ICA1: variants seen among roughly 807,000 people sequenced by gnomAD.
ICA1 encodes islet cell autoantigen 1.
Under a neutral mutation model 71.0 loss-of-function variants are expected in ICA1, and 40 were observed. That is an observed-to-expected ratio of 0.56 (90% CI 0.44 to 0.73). The LOEUF (loss-of-function observed/expected upper bound fraction) is 0.73. Ranked by LOEUF, ICA1 falls within the 30% of genes least tolerant of loss-of-function variation. The probability of loss-of-function intolerance (pLI) is 0.00; values close to 1 mark genes in which losing one functional copy is unlikely to be tolerated. For missense variants in ICA1, 578 were observed against 576.5 expected, an observed-to-expected ratio of 1.00 and a Z score of -0.03; for synonymous variants, 207 against 209.5, an observed-to-expected ratio of 0.99 and a Z score of 0.10.
intron 6 of ICA1, among the ~76,000 whole-genome samples, chr7:8,159,545 C>A (rs1802932648): frequency 6.6e-6 from 1 of 151,996 alleles, no homozygotes; most frequent in Admixed American, 6.6e-5. Context: ...AACCCCATCT[C>A]TACAACAACA....
At chr7:8,202,843 G>A (rs1297631842) in intron 6 of ICA1, among the ~76,000 whole-genome samples, 2 of 144,630 alleles carry the variant, frequency 1.4e-5, no homozygotes, top group Non-Finnish European at 1.5e-5. Context: ...CTAAGAGGAA[G>A]AACCAGCTAT....
At chr7:8,250,113 A>G (rs966370541) in intron 1 of ICA1, among the ~76,000 whole-genome samples, 5 of 152,220 alleles carry the variant, frequency 3.3e-5, no homozygotes, top group Non-Finnish European at 7.3e-5. Context: ...GGTTTTAGCC[A>G]CTAAGGTAAA....
intron 13 of ICA1, among the ~76,000 whole-genome samples, chr7:8,120,614 G>C (rs1786538053): frequency 6.6e-6 from 1 of 152,162 alleles, no homozygotes; most frequent in Admixed American, 6.5e-5. Context: ...GTCAGGAGAG[G>C]GGTGGTGACG....
intron 6 of ICA1, among the ~76,000 whole-genome samples, chr7:8,194,962 T>C (rs1786944408): frequency 6.6e-6 from 1 of 152,176 alleles, no homozygotes; most frequent in South Asian, 2.1e-4. Flanking sequence ...AGAAAATATT[T>C]ACAAAAGACA....
chr7:8,228,014 A>G (rs1799142661), intron 4 of ICA1, among the ~76,000 whole-genome samples: 1 of 149,446 alleles, frequency 6.7e-6, no homozygotes, highest in Non-Finnish European at 1.5e-5. Flanking sequence ...AGTCTCAAAA[A>G]TATATACATT....
chr7:8,146,598 T>C (rs1796978481), intron 8 of ICA1, among the ~76,000 whole-genome samples: 2 of 151,944 alleles, frequency 1.3e-5, no homozygotes, highest in Admixed American at 1.3e-4. Flanking sequence ...CAGCCTGCAC[T>C]GGAGGGGAAA....
At chr7:8,197,082 T>C (rs1036727504) in intron 6 of ICA1, among the ~76,000 whole-genome samples, 1 of 151,730 alleles carries the variant, frequency 6.6e-6, no homozygotes, top group African/African-American at 2.4e-5. Flanking sequence ...TATATTAATA[T>C]ATATAATTTT....
In ICA1 at chr7:8,232,725, A is replaced by T. The variant is rs139717556; in HGVS notation, c.48T>A (p.Tyr16Ter). Residue 16 changes from tyrosine (Y) to a stop codon, truncating the protein, a stop_gained, in exon 3 of 14, where the codon TAT becomes TAA. Coordinates refer to ENST00000402384, the MANE Select transcript of ICA1 (RefSeq NM_001136020.3). LOFTEE classifies it high-confidence loss of function. ...CSYPWDLQDR[Y>*]AQDKSVVNKM... ...TATTTACAACTGACTTATCTTGAGC[A>T]TATCGATCCTGTAAGTCCCAGGGAT... The T allele has an allele frequency of 6.2e-7, 1 of 1,606,866 alleles. No homozygotes were observed. The highest frequency in any genetic ancestry group is 2.2e-5 in the East Asian group (1 of 44,598).
intron 8 of ICA1, among the ~76,000 whole-genome samples, chr7:8,147,839 A>G (rs994158161): frequency 6.6e-6 from 1 of 152,062 alleles, no homozygotes; most frequent in Non-Finnish European, 1.5e-5. Context: ...TATAATGTTG[A>G]TGAGAAAAAA....
intron 1 of ICA1, among the ~76,000 whole-genome samples, chr7:8,241,317 G>C (rs529425692): frequency 2.9e-4 from 44 of 152,316 alleles, no homozygotes; most frequent in Admixed American, 1.1e-3. Flanking sequence ...GGCAAACTAA[G>C]CTTCATAAGT....
intron 8 of ICA1, among the ~76,000 whole-genome samples, chr7:8,149,047 T>C (rs527316840): frequency 4.1e-4 from 63 of 152,276 alleles, no homozygotes; most frequent in African/African-American, 1.4e-3. Flanking sequence ...ATAGAACGCA[T>C]AGAAGTCAGG....
Position 8,138,987 on chromosome 7 carries a change from G to A in ICA1, c.1016C>T (p.Ser339Leu). 2.5e-6 allele frequency: 4 copies of A among 1,611,922 alleles called. No homozygotes were observed. Among genetic ancestry groups the A allele is most frequent in the Non-Finnish European group, 3.4e-6 (4 of 1,178,100 alleles). Residue 339 changes from serine to leucine, a missense_variant and splice_region_variant, in exon 11 of 14, where the codon TCA becomes TTA. Ser to Leu is a moderately radical substitution (Grantham distance 145, BLOSUM62 -2). Coordinates refer to ENST00000402384, the MANE Select transcript of ICA1 (RefSeq NM_001136020.3). Reference protein sequence around the residue: ...LDKGSTHTACSGPIDELLDMK... With the variant: ...LDKGSTHTACLGPIDELLDMK... Reference sequence around the variant, plus strand: ...TAGTTTTCCTTAATCTAGGTTACCTGAGCATGCAGTATGTGTAGAGCCTTT... The same window carrying A: ...TAGTTTTCCTTAATCTAGGTTACCTAAGCATGCAGTATGTGTAGAGCCTTT...
In ICA1 at chr7:8,223,916, C is replaced by T. The variant is rs1797852927; in HGVS notation, c.257-2518G>A. On this transcript the variant is annotated intron_variant, in intron 4 of 13. Transcript: ENST00000402384. The surrounding 1 kb of genome is among the most constrained non-coding windows in gnomAD (Gnocchi z 4.1). ...AGATGTGCCGTTAAAAACAAGGCAA[C>T]TATGGAACTATGAAATTAATTAGCT... Among the ~76,000 whole-genome samples the T allele has an allele frequency of 6.6e-6, 1 of 152,134 alleles. No homozygotes were observed. The highest frequency in any genetic ancestry group is 2.1e-4 in the South Asian group (1 of 4,828).
intron 6 of ICA1, among the ~76,000 whole-genome samples, chr7:8,182,184 C>T (rs1045449573): frequency 1.3e-5 from 2 of 152,096 alleles, no homozygotes; most frequent in African/African-American, 4.8e-5. Flanking sequence ...CAACTTAAAT[C>T]GTAGAATCTC....
chr7:8,237,831 C>CACACACACAA (rs1467757746), intron 1 of ICA1, among the ~76,000 whole-genome samples: 1 of 151,018 alleles, frequency 6.6e-6, no homozygotes, highest in African/African-American at 2.5e-5. Context: ...CACACACACA[C>CACACACACAA]ACACACACAC....
At position 8,113,953 on chromosome 7, in the gene ICA1, G is replaced by A. The variant is rs534740633; in HGVS notation, c.1422C>T (p.Thr474=). The A allele has an allele frequency of 7.4e-6, 12 of 1,614,128 alleles. No homozygotes were observed. The highest frequency in any genetic ancestry group is 2.7e-5 in the African/African-American group (2 of 75,044). The change falls in exon 14 of 14, where the codon ACC becomes ACT. Residue 474 remains threonine (T), a synonymous_variant. Coordinates refer to ENST00000402384, the MANE Select transcript of ICA1 (RefSeq NM_001136020.3). This position sits in a 1 kb window ranked among gnomAD's most constrained non-coding sequence, Gnocchi z 4.2. ...CATTGAGCAATTCGTGTTCTTTATC[G>A]GTTTTCCCAACAGCATCAGGATTTG... The part of the protein sequence containing the change: ...PLSNPDAVGK[T]DKEHELLNA
chr7:8,260,112 C>T (rs1320692849), intron 1 of ICA1, among the ~76,000 whole-genome samples: 1 of 152,132 alleles, frequency 6.6e-6, no homozygotes, highest in Non-Finnish European at 1.5e-5. Context: ...AACTTCCTCC[C>T]TCTCTCGCAT....
At chr7:8,202,879 G>A (rs1294349252) in intron 6 of ICA1, among the ~76,000 whole-genome samples, 1 of 136,434 alleles carries the variant, frequency 7.3e-6, no homozygotes, top group African/African-American at 2.8e-5. Flanking sequence ...CGCACGAATG[G>A]GGGAAAATGC....
chr7:8,123,159 T>A lies in ICA1; in HGVS notation c.1330+4714A>T, dbSNP rs1032888758. Among the ~76,000 whole-genome samples the A allele has an allele frequency of 3.9e-5, 6 of 152,222 alleles. No homozygotes were observed. The highest frequency in any genetic ancestry group is 2.6e-4 in the Admixed American group (4 of 15,280). On this transcript the variant is annotated intron_variant, in intron 13 of 13. Transcript: ENST00000402384. This position sits in a 1 kb window ranked among gnomAD's most constrained non-coding sequence, Gnocchi z 4.1. ...ATCCCAGCTAAAATTAACTTCATCT[T>A]CTCATTTTCAGCACAACTTGATTCT...
Sources: gnomAD v4.1 joint callset for allele counts (sites outside exome capture counted in the v4.1 genomes callset) on GRCh38, gnomAD v4.1.1 for gene constraint, Gnocchi (gnomAD v3.1) non-coding constraint, MANE v1.5 for transcripts, NCBI Gene and HGNC (gene_info 2026-07-23, HGNC 2026-07-21) for gene names.